Variants in MMP9 observed in about 807,000 individuals in gnomAD.
MMP9 encodes matrix metalloproteinase-9.
A neutral mutation model predicts 76.4 loss-of-function variants in MMP9; 73 were observed. The observed-to-expected ratio is 0.96, with a 90% CI of 0.79 to 1.16. The LOEUF (loss-of-function observed/expected upper bound fraction) is 1.16, where lower values mean the gene tolerates loss of function less well. Among genes scored for constraint, MMP9 ranks in the 50% most tolerant of loss-of-function variants. The pLI is 0.00. For synonymous variants in MMP9, 412 were observed against 408.4 expected (o/e 1.01, Z -0.11); for missense variants, 943 against 973.0 (o/e 0.97, Z 0.41).
intron 6 of MMP9, 66 bp downstream of exon 6, chr20:46,011,813 G>A: frequency 6.5e-7 from 1 of 1,540,548 alleles, no homozygotes. Flanking sequence ...CCAAAACGCG[G>A]CTCTTCCCTC....
At chr20:46,014,025 GC>G in intron 10 of MMP9, 98 bp from the exon 11 acceptor site, 1 of 1,508,352 alleles carries the variant, frequency 6.6e-7, no homozygotes. Context: ...CTGCGGGCAC[GC>G]GGGCTAGGAA....
rs779227367 is a variant in MMP9, at chr20:46,009,029, C to G, written c.103C>G (p.Leu35Val). The G allele has an allele frequency of 5.0e-6, 8 of 1,613,810 alleles. No homozygotes were observed. In the East Asian group the frequency reaches 1.8e-4, roughly 36 times the overall value. Residue 35 changes from leucine (L) to valine (V), a missense_variant, in exon 1 of 13, where the codon CTG becomes GTG. Coordinates refer to ENST00000372330, the MANE Select transcript of MMP9 (RefSeq NM_004994.3). ...QSTLVLFPGD[L>V]RTNLTDRQLA... ...CACCCTTGTGCTCTTCCCTGGAGAC[C>G]TGAGAACCAATCTCACCGACAGGCA...
rs1472258739 is a variant in MMP9, at chr20:46,010,689, C to G, written c.520+58C>G. 3.8e-6 allele frequency: 6 copies of G among 1,573,498 alleles called. No individual in the cohort carries two copies. In the African/African-American group the frequency reaches 5.4e-5, roughly 14 times the overall value. ...CTGGGCGGGGTCAGGGAAGGGAGGA[C>G]CACGGAGAGCGTGGAGGCAGCAGTG... On this transcript the variant is annotated intron_variant, in intron 3 of 12. Coordinates refer to ENST00000372330, the MANE Select transcript of MMP9 (RefSeq NM_004994.3).
chr20:46,012,096 ACTCATCCATCTGG>A, intron 6 of MMP9, 28 bp from the exon 7 acceptor site: 3 of 1,607,680 alleles, frequency 1.9e-6, no homozygotes, highest in Non-Finnish European at 2.6e-6. Flanking sequence ...TCCTTATTGG[ACTCATCCATCTGG>A]CTCATCCAAG....
chr20:46,014,058 C>T, intron 10 of MMP9, 66 bp from the exon 11 acceptor site: 2 of 1,530,310 alleles, frequency 1.3e-6, no homozygotes, highest in South Asian at 1.2e-5. Context: ...GAATCTCCCT[C>T]CTCGCGTTCT....
Position 46,014,137 on chromosome 20 carries a change from G to C in MMP9, c.1764G>C (p.Trp588Cys), listed in dbSNP as rs200746714. The change falls in exon 11 of 13, where the codon TGG (tryptophan) becomes TGC (cysteine). Residue 588 changes from tryptophan to cysteine, a missense_variant. Coordinates refer to ENST00000372330, the MANE Select transcript of MMP9 (RefSeq NM_004994.3). ...KLFFFSGRQV[W>C]VYTGASVLGP... ...CCTCCCCTGCAGGGCGCCAGGTGTG[G>C]GTGTACACAGGCGCGTCGGTGCTGG... is the stretch of plus-strand genomic sequence containing the variant. 6.5e-7 allele frequency: 1 copy of C among 1,535,910 alleles called. No individual in the cohort carries two copies. The highest frequency in any genetic ancestry group is 8.7e-7 in the Non-Finnish European group (1 of 1,146,604).
In MMP9 at chr20:46,014,407, C is replaced by G. The variant is rs748693804; in HGVS notation, c.1938C>G (p.Ser646Arg). ...DVKAQMVDPRSASEVDRMFPG... is the reference protein window; with the variant it reads ...DVKAQMVDPRRASEVDRMFPG... Reference sequence around the variant, plus strand: ...AGGCGCAGATGGTGGATCCCCGGAGCGCCAGCGAGGTGGACCGGATGTTCC... The same window carrying G: ...AGGCGCAGATGGTGGATCCCCGGAGGGCCAGCGAGGTGGACCGGATGTTCC... The change falls in exon 12 of 13, where the codon AGC becomes AGG. Residue 646 changes from serine to arginine, a missense_variant. Ser to Arg is a moderately radical substitution (Grantham distance 110, BLOSUM62 -1). Coordinates refer to ENST00000372330, the MANE Select transcript of MMP9 (RefSeq NM_004994.3). 1.6e-5 allele frequency: 25 copies of G among 1,549,860 alleles called. No individual in the cohort carries two copies. In the East Asian group the frequency reaches 2.4e-4, roughly 15 times the overall value.
chr20:46,012,995 G>A (rs1167196494), intron 8 of MMP9, among the ~76,000 whole-genome samples: 1 of 152,198 alleles, frequency 6.6e-6, no homozygotes, highest in Non-Finnish European at 1.5e-5. Context: ...GGAGGCTGAG[G>A]TGGGAGGATC....
rs1011983510 is a variant in MMP9, at chr20:46,010,085, A to C, written c.358A>C (p.Asn120His). Residue 120 changes from asparagine to histidine, a missense_variant, in exon 2 of 13, where the codon AAC becomes CAC. Transcript: ENST00000372330. ...FEGDLKWHHH[N>H]ITYWIQNYSE... is the part of the protein sequence containing the mutation. ...GGGCGACCTCAAGTGGCACCACCAC[A>C]ACATCACCTATTGGTGAGCCGGGGC... The C allele has an allele frequency of 6.1e-5, 94 of 1,549,358 alleles. No individual in the cohort carries two copies. Among genetic ancestry groups the C allele is most frequent in the Non-Finnish European group, 7.5e-5 (86 of 1,146,234 alleles).
In MMP9 at chr20:46,013,187, G is replaced by A; in HGVS notation, c.1331-68G>A. On this transcript the variant is annotated intron_variant, in intron 8 of 12. Coordinates refer to ENST00000372330, the MANE Select transcript of MMP9 (RefSeq NM_004994.3). The surrounding 1 kb of genome is among the most constrained non-coding windows in gnomAD (Gnocchi z 4.5). The stretch of plus-strand genomic sequence containing the variant: ...GGAGGCTTCACTGAGAAGCTTAGGG[G>A]AGCAGATGTTCTAGGGGTACAGAGG... The A allele has an allele frequency of 6.3e-7, 1 of 1,591,400 alleles. No individual in the cohort carries two copies. Among genetic ancestry groups the A allele is most frequent in the South Asian group, 1.1e-5 (1 of 90,590 alleles).
intron 8 of MMP9, 145 bp downstream of exon 8, chr20:46,012,727 G>T: frequency 8.1e-7 from 1 of 1,241,526 alleles, no homozygotes; most frequent in Non-Finnish European, 1.1e-6. Context: ...CAGAGCCTGG[G>T]CCCAGTCGCT....
At chr20:46,009,724 G>C in intron 1 of MMP9, 142 bp from the exon 2 acceptor site, 2 of 742,306 alleles carry the variant, frequency 2.7e-6, no homozygotes, top group Non-Finnish European at 4.7e-6. Flanking sequence ...GGAGGTCCAG[G>C]CTGCAGTGGG....
Position 46,011,625 on chromosome 20 carries a change from T to G in MMP9, c.875T>G (p.Phe292Cys), listed in dbSNP as rs1319185514. The change falls in exon 6 of 13, where the codon TTC (phenylalanine) becomes TGC (cysteine). Residue 292 changes from phenylalanine (F) to cysteine (C), a missense_variant. Phe to Cys is a radical substitution (Grantham distance 205, BLOSUM62 -2). Coordinates refer to ENST00000372330, the MANE Select transcript of MMP9 (RefSeq NM_004994.3). ...GATGGGAAACCCTGCCAGTTTCCAT[T>G]CATCTTCCAAGGCCAATCCTACTCC... is the stretch of plus-strand genomic sequence containing the variant. ...NADGKPCQFP[F>C]IFQGQSYSAC... The G allele has an allele frequency of 1.2e-6, 2 of 1,613,496 alleles. No homozygotes were observed. The highest frequency in any genetic ancestry group is 3.3e-5 in the Admixed American group (2 of 59,974).
rs369058873 is a variant in MMP9 at position 46,011,698 on chromosome 20, C to T, written c.948C>T (p.Thr316=). ...GRSDGYRWCA[T]TANYDRDKLF... Reference sequence around the variant, plus strand: ...CCGACGGCTACCGCTGGTGCGCCACCACCGCCAACTACGACCGGGACAAGC... The same window carrying T: ...CCGACGGCTACCGCTGGTGCGCCACTACCGCCAACTACGACCGGGACAAGC... Residue 316 remains threonine (T), a synonymous_variant, in exon 6 of 13, where the codon ACC becomes ACT. Transcript: ENST00000372330. 11 of 1,613,888 alleles carry T rather than the reference C, an allele frequency of 6.8e-6. No homozygotes were observed. The highest frequency in any genetic ancestry group is 9.3e-6 in the Non-Finnish European group (11 of 1,180,046).
rs35691798 is a variant in MMP9 at position 46,013,757 on chromosome 20, T to G, written c.1711T>G (p.Phe571Val). 61 of 1,613,512 alleles carry G rather than the reference T, an allele frequency of 3.8e-5. No homozygotes were observed. The highest frequency in any genetic ancestry group is 2.5e-4 in the Admixed American group (15 of 60,006). Reference protein sequence around the residue: ...PALPRKLDSVFEERLSKKLFF... With the variant: ...PALPRKLDSVVEERLSKKLFF... ...GCTGCCCCGCAAGCTGGACTCGGTC[T>G]TTGAGGAGCGGCTCTCCAAGAAGCT... Residue 571 changes from phenylalanine (F) to valine (V), a missense_variant, in exon 10 of 13, where the codon TTT becomes GTT. Phe to Val is a conservative substitution (Grantham distance 50). Coordinates refer to ENST00000372330, the MANE Select transcript of MMP9 (RefSeq NM_004994.3). This position sits in a 1 kb window ranked among gnomAD's most constrained non-coding sequence, Gnocchi z 4.5.
rs758878791 is a variant in MMP9 at position 46,011,328 on chromosome 20, G to A, written c.823+12G>A. The stretch of plus-strand genomic sequence containing the variant: ...CTGCCCCAGCGAGAGTGAGTGAGGG[G>A]GCTCGCCGAGGGCTGGGGGCGCCCA... On this transcript the variant is annotated intron_variant, in intron 5 of 12. Coordinates refer to ENST00000372330, the MANE Select transcript of MMP9 (RefSeq NM_004994.3). 2.5e-6 allele frequency: 4 copies of A among 1,598,826 alleles called. No homozygotes were observed. In the Admixed American group the frequency reaches 5.0e-5, roughly 20 times the overall value.
intron 5 of MMP9, 46 bp downstream of exon 5, chr20:46,011,362 G>C: frequency 6.3e-7 from 1 of 1,591,730 alleles, no homozygotes. Context: ...CACCACCCTT[G>C]ATGGTCCTGG....
intron 3 of MMP9, 85 bp downstream of exon 3, chr20:46,010,716 C>T: frequency 1.9e-6 from 3 of 1,548,206 alleles, no homozygotes; most frequent in East Asian, 2.4e-5. Context: ...GCAGCAGTGG[C>T]CCCGGCTTCC....
Position 46,010,957 on chromosome 20 carries a change from G to C in MMP9, c.556G>C (p.Gly186Arg). The C allele has an allele frequency of 6.2e-7, 1 of 1,614,220 alleles. No homozygotes were observed. The highest frequency in any genetic ancestry group is 8.5e-7 in the Non-Finnish European group (1 of 1,180,050). Residue 186 changes from glycine (G) to arginine (R), a missense_variant, in exon 4 of 13, where the codon GGG becomes CGG. Coordinates refer to ENST00000372330, the MANE Select transcript of MMP9 (RefSeq NM_004994.3). ...GDGYPFDGKD[G>R]LLAHAFPPGP... ...CGGGTATCCCTTCGACGGGAAGGAC[G>C]GGCTCCTGGCACACGCCTTTCCTCC...
Sources: allele counts gnomAD v4.1 joint callset (sites outside exome capture counted in the v4.1 genomes callset), GRCh38; gene constraint gnomAD v4.1.1; non-coding constraint Gnocchi (gnomAD v3.1); transcripts MANE v1.5; gene names NCBI Gene and HGNC (gene_info 2026-07-23, HGNC 2026-07-21).